EPM2A: variants seen among roughly 807,000 people sequenced by gnomAD.
EPM2A encodes the protein laforin.
Under a neutral mutation model 26.5 loss-of-function variants are expected in EPM2A, and 21 were observed. The observed-to-expected ratio is 0.79, with a 90% CI of 0.56 to 1.14. The LOEUF (loss-of-function observed/expected upper bound fraction) is 1.14, where lower values mean the gene tolerates loss of function less well. Among genes scored for constraint, EPM2A ranks in the 50% most tolerant of loss-of-function variants. The pLI is 0.00. For synonymous variants in EPM2A, 217 were observed against 177.6 expected (o/e 1.22, Z -1.76); for missense variants, 458 against 440.8 (o/e 1.04, Z -0.35).
intron 2 of EPM2A, among the ~76,000 whole-genome samples, chr6:145,518,788 T>G (rs1026614051): frequency 1.1e-4 from 17 of 152,110 alleles, no homozygotes; most frequent in Non-Finnish European, 1.9e-4. Flanking sequence ...AAACACCATA[T>G]TAGCTAAAGC....
chr6:145,452,682 C>G (rs1417734303), intron 4 of EPM2A, among the ~76,000 whole-genome samples: 1 of 24,342 alleles, frequency 4.1e-5, no homozygotes, highest in African/African-American at 6.7e-5. Flanking sequence ...GAGCAAGACT[C>G]TGTCTCAAAA....
intron 4 of EPM2A, among the ~76,000 whole-genome samples, chr6:145,411,348 C>A (rs1233817209): frequency 6.6e-6 from 1 of 152,114 alleles, no homozygotes; most frequent in Non-Finnish European, 1.5e-5. Flanking sequence ...CTGCTCCTGG[C>A]ATAATGACTT....
chr6:145,627,735 C>CACCAGAT, intron 3 of EPM2A, 42 bp from the exon 4 acceptor site: 1 of 1,605,470 alleles, frequency 6.2e-7, no homozygotes, highest in South Asian at 1.1e-5. Context: ...ATAACTAAAC[C>CACCAGAT]ACCAGATACC....
At chr6:145,667,457 AC>A (rs1294836218) in intron 2 of EPM2A, among the ~76,000 whole-genome samples, 2 of 146,482 alleles carry the variant, frequency 1.4e-5, no homozygotes, top group Non-Finnish European at 3.0e-5. Context: ...AATCAAAACC[AC>A]AATGAGATAT....
At chr6:145,735,103 G>T in intron 1 of EPM2A, 95 bp downstream of exon 1, 2 of 845,018 alleles carry the variant, frequency 2.4e-6, no homozygotes. Context: ...GCGCGCCGCC[G>T]GGGCCTGCGG....
At chr6:145,692,056 C>G (rs1781312731) in intron 1 of EPM2A, among the ~76,000 whole-genome samples, 2 of 151,686 alleles carry the variant, frequency 1.3e-5, no homozygotes, top group South Asian at 4.2e-4. Flanking sequence ...AAACATTAAT[C>G]AAAAAGCAGG....
chr6:145,506,101 G>T (rs902064394), intron 2 of EPM2A, among the ~76,000 whole-genome samples: 3 of 152,152 alleles, frequency 2.0e-5, no homozygotes, highest in Non-Finnish European at 4.4e-5. Context: ...GTCAAGAAAT[G>T]ATGGAAAAAA....
At chr6:145,608,926 G>GA (rs1313897804) in intron 2 of EPM2A, among the ~76,000 whole-genome samples, 1 of 152,104 alleles carries the variant, frequency 6.6e-6, no homozygotes, top group African/African-American at 2.4e-5. Flanking sequence ...AAATAGCAGG[G>GA]AAAATAGAAA....
chr6:145,608,338 C>T (rs1224777508), intron 2 of EPM2A, among the ~76,000 whole-genome samples: 1 of 152,158 alleles, frequency 6.6e-6, no homozygotes, highest in African/African-American at 2.4e-5. Flanking sequence ...CAGGCACAAG[C>T]ATGCATGCAC....
chr6:145,489,634 T>G, intron 4 of EPM2A: 3 of 1,267,002 alleles, frequency 2.4e-6, no homozygotes, highest in Non-Finnish European at 3.4e-6. Context: ...GTAATTTCAT[T>G]CTAAAACCAG....
intron 2 of EPM2A, among the ~76,000 whole-genome samples, chr6:145,514,407 A>T (rs144676785): frequency 5.6e-4 from 86 of 152,244 alleles, no homozygotes; most frequent in African/African-American, 2.0e-3. Flanking sequence ...AAATATGGGG[A>T]GTATGCTGGG....
At chr6:145,703,107 T>TGTC (rs1782016016) in intron 1 of EPM2A, among the ~76,000 whole-genome samples, 1 of 46,786 alleles carries the variant, frequency 2.1e-5, no homozygotes, top group African/African-American at 2.7e-4. Context: ...TTTTTTTTTT[T>TGTC]TTCGAGACGG....
intron 2 of EPM2A, among the ~76,000 whole-genome samples, chr6:145,567,203 C>T (rs974330434): frequency 6.6e-6 from 1 of 152,014 alleles, no homozygotes; most frequent in African/African-American, 2.4e-5. Flanking sequence ...TGGATCAATA[C>T]TTTTTTTTGA....
At chr6:145,478,951 T>C (rs1044739684) in intron 4 of EPM2A, among the ~76,000 whole-genome samples, 1 of 151,702 alleles carries the variant, frequency 6.6e-6, no homozygotes, top group Admixed American at 6.6e-5. Context: ...TGTTTCACTA[T>C]GTACTTTTCG....
In EPM2A at chr6:145,580,492, T is replaced by A. The variant is rs1781098291; in HGVS notation, c.340+54753A>T. On this transcript the variant is annotated intron_variant, in intron 2 of 3. Coordinates refer to the EPM2A transcript ENST00000450221. ...GAATTCATATAAAAGCAAGTTATAT[T>A]GTTTTTTGATTACATTTTATTTATT... Among the ~76,000 whole-genome samples the A allele has an allele frequency of 3.3e-5, 5 of 152,174 alleles. No individual in the cohort carries two copies. The South Asian group carries it at 1.0e-3, about 31-fold the overall frequency.
chr6:145,392,439 C>T (rs945425422), intron 4 of EPM2A, among the ~76,000 whole-genome samples: 1 of 152,134 alleles, frequency 6.6e-6, no homozygotes, highest in Non-Finnish European at 1.5e-5. Context: ...TCTACTGCTC[C>T]TTTAATGCCA....
At chr6:145,670,947 T>C (rs1779593512) in intron 2 of EPM2A, 3 of 985,144 alleles carry the variant, frequency 3.0e-6, no homozygotes, top group South Asian at 4.7e-5. Context: ...AAGCATGTTG[T>C]TTTCCTTTCC....
At chr6:145,485,225 T>C (rs1351843978) in intron 4 of EPM2A, among the ~76,000 whole-genome samples, 1 of 151,468 alleles carries the variant, frequency 6.6e-6, no homozygotes, top group Non-Finnish European at 1.5e-5. Context: ...ATGGTGAGAG[T>C]GAAGAGGGGC....
intron 2 of EPM2A, among the ~76,000 whole-genome samples, chr6:145,595,295 C>T (rs1781327399): frequency 6.6e-6 from 1 of 151,670 alleles, no homozygotes; most frequent in African/African-American, 2.4e-5. Context: ...GCCATGCAAA[C>T]TTCAGAACAA....
Sources: gnomAD v4.1 joint callset for allele counts (sites outside exome capture counted in the v4.1 genomes callset) on GRCh38, gnomAD v4.1.1 for gene constraint, MANE v1.5 for transcripts, NCBI Gene and HGNC (gene_info 2026-07-23, HGNC 2026-07-21) for gene names.